Variants in ZSWIM5 observed in about 807,000 individuals in gnomAD.
ZSWIM5 encodes zinc finger SWIM-type containing 5.
In ZSWIM5, 55 loss-of-function variants were observed where a neutral mutation model predicts 119.6. The observed-to-expected ratio is 0.46, with a 90% CI of 0.37 to 0.58. The LOEUF (loss-of-function observed/expected upper bound fraction) is 0.58, where lower values mean the gene tolerates loss of function less well. Among genes scored for constraint, ZSWIM5 ranks in the 20% least tolerant of loss-of-function variants. The pLI, the probability that ZSWIM5 is intolerant of heterozygous loss-of-function variation, is 0.00. For synonymous variants in ZSWIM5, 537 were observed against 606.9 expected (o/e 0.88, Z 1.69); for missense variants, 1,193 against 1,512.8 (o/e 0.79, Z 3.51).
At chr1:45,204,207 G>C (rs991959046) in intron 1 of ZSWIM5, among the ~76,000 whole-genome samples, 1 of 151,942 alleles carries the variant, frequency 6.6e-6, no homozygotes, top group African/African-American at 2.4e-5. Flanking sequence ...ACTATAAAAT[G>C]ACCACTTAAA....
intron 1 of ZSWIM5, among the ~76,000 whole-genome samples, chr1:45,147,732 C>T (rs1370309949): frequency 6.6e-6 from 1 of 151,950 alleles, no homozygotes; most frequent in Non-Finnish European, 1.5e-5. Flanking sequence ...TTCTCATCAC[C>T]CACACCCCCA....
Position 45,183,561 on chromosome 1 carries a change from G to C in ZSWIM5, c.595+22195C>G, listed in dbSNP as rs1646036500. On this transcript the variant is annotated intron_variant, in intron 1 of 13. Transcript: ENST00000359600. ...AATAGGCACAATAAAAAATGATAAA[G>C]GGGATATCATCACCGATCCCACAGA... 2.0e-5 allele frequency among the ~76,000 whole-genome samples: 3 copies of C among 152,162 alleles called. No individual in the cohort carries two copies. The South Asian group carries it at 6.2e-4, about 32-fold the overall frequency.
intron 1 of ZSWIM5, among the ~76,000 whole-genome samples, chr1:45,164,715 A>G (rs1211039852): frequency 1.3e-5 from 2 of 152,166 alleles, no homozygotes; most frequent in African/African-American, 4.8e-5. Context: ...CAGAAGAGAC[A>G]AAGAAGGCCA....
chr1:45,031,522 G>A (rs1396357992), intron 11 of ZSWIM5, among the ~76,000 whole-genome samples: 1 of 151,728 alleles, frequency 6.6e-6, no homozygotes, highest in Non-Finnish European at 1.5e-5. Context: ...TGCTTACCTT[G>A]GGTTTTCTTT....
chr1:45,071,404 T>C lies in ZSWIM5; in HGVS notation c.953-11157A>G, dbSNP rs185206268. ...CTTTCTGTGCCTGGGTTATTTCACC[T>C]AGCATAATAACCTCCAATTCCATCC... On this transcript the variant is annotated intron_variant, in intron 2 of 13. Transcript: ENST00000359600. 3.5e-3 allele frequency among the ~76,000 whole-genome samples: 533 copies of C among 151,048 alleles called. 4 individuals are homozygous for C. Among genetic ancestry groups the C allele is most frequent in the Admixed American group, 0.018 (274 of 15,172 alleles).
At chr1:45,053,127 C>CAAAAAAAA (rs60199581) in intron 4 of ZSWIM5, among the ~76,000 whole-genome samples, 14 of 122,176 alleles carry the variant, frequency 1.1e-4, no homozygotes, top group African/African-American at 1.9e-4. Flanking sequence ...CCGTCTCAAA[C>CAAAAAAAA]AAAAAAAAAA....
chr1:45,035,810 G>A lies in ZSWIM5; in HGVS notation c.2169C>T (p.Ser723=), dbSNP rs776823344. ...CTCGGTGGATGACTTCTCCCAGACC[G>A]CTGAAAGGACCTCCTGGAGGAAGAT... The part of the protein sequence containing the change: ...CILLLEGGPF[S]GLGEVIHRES... Residue 723 remains serine, a synonymous_variant, in exon 10 of 14, where the codon AGC becomes AGT. Transcript: ENST00000359600. 2.7e-5 allele frequency: 43 copies of A among 1,612,512 alleles called. No individual in the cohort carries two copies. In the South Asian group the frequency reaches 3.5e-4, roughly 13 times the overall value.
intron 1 of ZSWIM5, among the ~76,000 whole-genome samples, chr1:45,094,875 CA>C (rs1158071873): frequency 6.9e-6 from 1 of 145,548 alleles, no homozygotes; most frequent in African/African-American, 2.5e-5. Flanking sequence ...AAAAAAAAAA[CA>C]AAAGACAGAG....
At chr1:45,167,659 G>A (rs563155463) in intron 1 of ZSWIM5, among the ~76,000 whole-genome samples, 1 of 152,152 alleles carries the variant, frequency 6.6e-6, no homozygotes, top group East Asian at 1.9e-4. Flanking sequence ...CAAAAAGTGG[G>A]CGAAGGATAT....
chr1:45,147,930 A>G (rs1645772388), intron 1 of ZSWIM5, among the ~76,000 whole-genome samples: 1 of 152,220 alleles, frequency 6.6e-6, no homozygotes, highest in South Asian at 2.1e-4. Context: ...GGGAGGGTCA[A>G]GATGGATATG....
At chr1:45,204,410 A>T (rs1646175172) in intron 1 of ZSWIM5, among the ~76,000 whole-genome samples, 1 of 152,200 alleles carries the variant, frequency 6.6e-6, no homozygotes, top group Admixed American at 6.5e-5. Context: ...AAAAATATAC[A>T]CAAATAAAGG....
At chr1:45,160,720 T>C (rs1645858374) in intron 1 of ZSWIM5, among the ~76,000 whole-genome samples, 2 of 151,618 alleles carry the variant, frequency 1.3e-5, no homozygotes, top group Non-Finnish European at 2.9e-5. Flanking sequence ...AATGGCATGA[T>C]CTCTGCTAAC....
At position 45,098,944 on chromosome 1, in the gene ZSWIM5, C is replaced by T. The variant is rs141993326; in HGVS notation, c.596-10707G>A. 1.4e-3 allele frequency among the ~76,000 whole-genome samples: 212 copies of T among 152,242 alleles called. 4 individuals carry two copies. The East Asian group carries it at 0.029, about 21-fold the overall frequency. The stretch of plus-strand genomic sequence containing the variant: ...AGCACTAAATGCCCACAAGAGAAAG[C>T]GGTGAAGATCTAAAATAGACACCTT... On this transcript the variant is annotated intron_variant, in intron 1 of 13. Coordinates refer to ENST00000359600, the MANE Select transcript of ZSWIM5 (RefSeq NM_020883.2).
chr1:45,037,108 CTTTTTTT>C (rs57405864), intron 8 of ZSWIM5, among the ~76,000 whole-genome samples: 1 of 90,606 alleles, frequency 1.1e-5, no homozygotes, highest in Admixed American at 1.2e-4. Context: ...GCCCCACCTC[CTTTTTTT>C]TTTTTTTTTT....
At chr1:45,083,808 G>A (rs760849139) in intron 2 of ZSWIM5, among the ~76,000 whole-genome samples, 5 of 152,184 alleles carry the variant, frequency 3.3e-5, no homozygotes, top group Non-Finnish European at 5.9e-5. Flanking sequence ...ACATGTCTGG[G>A]GAGGCCTCAG....
chr1:45,093,909 C>CCTTG (rs1390178832), intron 1 of ZSWIM5, among the ~76,000 whole-genome samples: 4 of 148,126 alleles, frequency 2.7e-5, no homozygotes, highest in Non-Finnish European at 5.9e-5. Context: ...AGTGGTGCGA[C>CCTTG]CACGGCTTGC....
rs1553191166 is a variant in ZSWIM5, at chr1:45,067,451, A to AAAAAAAG, written c.953-7205_953-7204insCTTTTTT. On this transcript the variant is annotated intron_variant, in intron 2 of 13. Transcript: ENST00000359600. The stretch of plus-strand genomic sequence containing the variant: ...TAAGACCCTGCCTCAAAAAAAAAAA[A>AAAAAAAG]AAAGAAAGAAAGAAAGAAAGAAATA... Among the ~76,000 whole-genome samples, 384 of 136,690 alleles carry AAAAAAAG rather than the reference A, an allele frequency of 2.8e-3. 4 individuals are homozygous for AAAAAAAG. Among genetic ancestry groups the AAAAAAAG allele is most frequent in the African/African-American group, 0.01 (367 of 36,222 alleles). The allele number at this position is 136,690 out of a possible 152,430, so 89.7% of individuals were successfully genotyped here. A position where few individuals can be genotyped will look rare whatever the true frequency, so the allele number is the denominator to read the frequency against.
In ZSWIM5 at chr1:45,058,955, C is replaced by G. The variant is rs761891896; in HGVS notation, c.1102-196G>C. ...AAGCCTGATGTTCACAATAAGATACCACTTCACACCCACTAGGATGGCTAG... is the reference window on the plus strand; with the variant it reads ...AAGCCTGATGTTCACAATAAGATACGACTTCACACCCACTAGGATGGCTAG... On this transcript the variant is annotated intron_variant, in intron 3 of 13. Transcript: ENST00000359600. Among the ~76,000 whole-genome samples the G allele has an allele frequency of 2.6e-4, 39 of 152,122 alleles. 1 individual carries two copies. Among genetic ancestry groups the G allele is most frequent in the Admixed American group, 2.6e-4 (4 of 15,260 alleles).
intron 1 of ZSWIM5, among the ~76,000 whole-genome samples, chr1:45,105,503 G>C (rs1156993525): frequency 6.6e-6 from 1 of 151,240 alleles, no homozygotes; most frequent in Non-Finnish European, 1.5e-5. Context: ...GAAGTGAGGA[G>C]CGCCTCTGCC....
Sources: allele counts gnomAD v4.1 joint callset (sites outside exome capture counted in the v4.1 genomes callset), GRCh38; gene constraint gnomAD v4.1.1; transcripts MANE v1.5; gene names NCBI Gene and HGNC (gene_info 2026-07-23, HGNC 2026-07-21).